The following CNTN5 variants were observed in gnomAD, a reference collection of about 807,000 sequenced individuals.
CNTN5 encodes contactin 5.
In CNTN5, 77 loss-of-function variants were observed where a neutral mutation model predicts 129.1. That is an observed-to-expected ratio of 0.60 (90% confidence interval 0.50 to 0.72). CNTN5 has a LOEUF of 0.72. CNTN5 is among the 30% of genes least tolerant of loss of function. The pLI, the probability that CNTN5 is intolerant of heterozygous loss-of-function variation, is 0.00. For synonymous variants in CNTN5, 509 were observed against 465.6 expected (o/e 1.09, Z -1.20); for missense variants, 1,478 against 1,328.8 (o/e 1.11, Z -1.75).
chr11:100,070,439 T>A lies in CNTN5; in HGVS notation c.1178T>A (p.Val393Glu). The A allele has an allele frequency of 6.2e-7, 1 of 1,612,006 alleles. No homozygotes were observed. The highest frequency in any genetic ancestry group is 8.5e-7 in the Non-Finnish European group (1 of 1,178,952). ...QLQVYTYPHW[V>E]EKLNDTQLDS... is the part of the protein sequence containing the mutation. ...ATACTTACAGCCTACCCACACTGGG[T>A]AGAAAAACTGAATGATACTCAGTTA... Residue 393 changes from valine (V) to glutamate (E), a missense_variant, in exon 11 of 25, where the codon GTA becomes GAA. Val to Glu is a moderately radical substitution (Grantham distance 121). Coordinates refer to ENST00000524871, the MANE Select transcript of CNTN5 (RefSeq NM_014361.4).
At position 100,002,036 on chromosome 11, in the gene CNTN5, G is replaced by A; in HGVS notation, c.880G>A (p.Val294Met). Residue 294 changes from valine to methionine, a missense_variant and splice_region_variant, in exon 9 of 25, where the codon GTG becomes ATG. Coordinates refer to ENST00000524871, the MANE Select transcript of CNTN5 (RefSeq NM_014361.4). ...PTPLTLRNDGVMGEYEPKIEV... is the reference protein window; with the variant it reads ...PTPLTLRNDGMMGEYEPKIEV... ...AAAGACTATTCTTTCTTTCTAAGGT[G>A]TGATGGGAGAATATGAGCCGAAAAT... is the stretch of plus-strand genomic sequence containing the variant. The A allele has an allele frequency of 1.9e-6, 3 of 1,581,514 alleles. No individual in the cohort carries two copies. The highest frequency in any genetic ancestry group is 1.2e-5 in the South Asian group (1 of 85,220).
In CNTN5 at chr11:99,617,702, G is replaced by A. The variant is rs189642077; in HGVS notation, c.55+61433G>A. 1.1e-4 allele frequency among the ~76,000 whole-genome samples: 16 copies of A among 152,164 alleles called. 1 individual carries two copies. The highest frequency in any genetic ancestry group is 3.9e-4 in the African/African-American group (16 of 41,530). On this transcript the variant is annotated intron_variant, in intron 3 of 24. Coordinates refer to ENST00000524871, the MANE Select transcript of CNTN5 (RefSeq NM_014361.4). ...AATTCTGTGCATTATCCATTGGGGA[G>A]ACAGAAGAACTTAACACATGAAGAC... is the stretch of plus-strand genomic sequence containing the variant.
chr11:100,150,481 AATG>A (rs755014448), intron 13 of CNTN5, among the ~76,000 whole-genome samples: 1 of 152,004 alleles, frequency 6.6e-6, no homozygotes, highest in Non-Finnish European at 1.5e-5. Context: ...CTTTAAACAG[AATG>A]ATTTTATAGG....
At chr11:100,336,607 T>A (rs1433756256) in intron 21 of CNTN5, among the ~76,000 whole-genome samples, 1 of 152,232 alleles carries the variant, frequency 6.6e-6, no homozygotes, top group East Asian at 1.9e-4. Flanking sequence ...CAAGTGATTT[T>A]ACATAGAGAG....
At chr11:99,318,626 A>G (rs1294283094) in intron 1 of CNTN5, among the ~76,000 whole-genome samples, 2 of 151,844 alleles carry the variant, frequency 1.3e-5, no homozygotes, top group Non-Finnish European at 2.9e-5. Flanking sequence ...AAGTCTGCAT[A>G]TTTTTTTCAT....
chr11:99,964,593 C>T (rs1951042803), intron 8 of CNTN5, among the ~76,000 whole-genome samples: 1 of 152,012 alleles, frequency 6.6e-6, no homozygotes. Flanking sequence ...CATCAATGTT[C>T]ATCAGGGATT....
intron 3 of CNTN5, among the ~76,000 whole-genome samples, chr11:99,588,118 C>T (rs1378313803): frequency 6.6e-6 from 1 of 152,030 alleles, no homozygotes; most frequent in Non-Finnish European, 1.5e-5. Context: ...CCGAGGCGGG[C>T]GGATCACGAT....
At chr11:99,489,761 A>T (rs1945962157) in intron 2 of CNTN5, among the ~76,000 whole-genome samples, 1 of 152,194 alleles carries the variant, frequency 6.6e-6, no homozygotes, top group South Asian at 2.1e-4. Context: ...TACAGATGTT[A>T]TCATATTCCT....
intron 13 of CNTN5, among the ~76,000 whole-genome samples, chr11:100,098,661 C>T (rs1473257051): frequency 6.6e-6 from 1 of 152,044 alleles, no homozygotes; most frequent in Non-Finnish European, 1.5e-5. Context: ...CACCCTAAAG[C>T]TGAGTGGTTT....
intron 2 of CNTN5, among the ~76,000 whole-genome samples, chr11:99,518,068 G>T (rs1254970383): frequency 6.6e-6 from 1 of 152,052 alleles, no homozygotes; most frequent in African/African-American, 2.4e-5. Context: ...ATCAGTCATG[G>T]ACCTTCTTTT....
chr11:100,024,045 G>T (rs1379601690), intron 9 of CNTN5, among the ~76,000 whole-genome samples: 1 of 152,126 alleles, frequency 6.6e-6, no homozygotes, highest in African/African-American at 2.4e-5. Context: ...ATACAGCTAG[G>T]CTTTTTATCC....
intron 3 of CNTN5, among the ~76,000 whole-genome samples, chr11:99,682,516 AG>A (rs1279598658): frequency 6.6e-6 from 1 of 152,026 alleles, no homozygotes; most frequent in Non-Finnish European, 1.5e-5. Context: ...TAAATACCAA[AG>A]TAATTTTTTA....
chr11:99,719,430 A>G (rs545846838), intron 3 of CNTN5, among the ~76,000 whole-genome samples: 4 of 152,270 alleles, frequency 2.6e-5, no homozygotes, highest in African/African-American at 9.6e-5. Context: ...TCATAGGAGT[A>G]AAATGTATGC....
At chr11:99,233,614 A>T (rs1861113799) in intron 1 of CNTN5, among the ~76,000 whole-genome samples, 1 of 152,210 alleles carries the variant, frequency 6.6e-6, no homozygotes, top group African/African-American at 2.4e-5. Context: ...GGTGTTGTGA[A>T]TAAAATATAC....
At chr11:99,056,578 A>G (rs1227187451) in intron 1 of CNTN5, among the ~76,000 whole-genome samples, 2 of 151,998 alleles carry the variant, frequency 1.3e-5, no homozygotes, top group Admixed American at 6.6e-5. Context: ...TAATTTTTAG[A>G]AATGCCTCTA....
intron 1 of CNTN5, among the ~76,000 whole-genome samples, chr11:99,041,907 A>G (rs150023432): frequency 5.8e-4 from 88 of 152,320 alleles, no homozygotes; most frequent in African/African-American, 2.1e-3. Context: ...ATACAAAAGT[A>G]TATATGCCAA....
At chr11:99,074,389 A>T (rs1037368921) in intron 1 of CNTN5, among the ~76,000 whole-genome samples, 1 of 152,150 alleles carries the variant, frequency 6.6e-6, no homozygotes, top group Non-Finnish European at 1.5e-5. Context: ...AATTAGATCC[A>T]ATTAGTCAAT....
chr11:99,119,025 A>G (rs1858177959), intron 1 of CNTN5, among the ~76,000 whole-genome samples: 1 of 152,122 alleles, frequency 6.6e-6, no homozygotes, highest in African/African-American at 2.4e-5. Flanking sequence ...GAAATTTTTT[A>G]AATTACAACC....
intron 18 of CNTN5, among the ~76,000 whole-genome samples, chr11:100,294,676 G>T (rs973804175): frequency 1.3e-5 from 2 of 151,530 alleles, no homozygotes; most frequent in Non-Finnish European, 3.0e-5. Context: ...AAGTAAATAT[G>T]TATTTCTCTG....
Sources: allele counts gnomAD v4.1 joint callset (sites outside exome capture counted in the v4.1 genomes callset), GRCh38; gene constraint gnomAD v4.1.1; transcripts MANE v1.5; gene names NCBI Gene and HGNC (gene_info 2026-07-23, HGNC 2026-07-21).